The following SPAG16 variants were observed in gnomAD, a reference collection of about 807,000 sequenced individuals.
The protein encoded by SPAG16 is sperm-associated antigen 16 protein.
A neutral mutation model predicts 80.4 loss-of-function variants in SPAG16; 86 were observed. The observed-to-expected ratio is 1.07, with a 90% confidence interval of 0.90 to 1.28. The LOEUF is 1.28. Ranked by LOEUF, SPAG16 falls within the 50% of genes most tolerant of loss-of-function variation. SPAG16 has a pLI of 0.00. For missense variants in SPAG16, 870 were observed against 765.3 expected (o/e 1.14, Z -1.61); for synonymous variants, 294 against 265.9 (o/e 1.11, Z -1.03).
Position 213,642,753 on chromosome 2 carries a change from G to A in SPAG16, c.1070+152663G>A, listed in dbSNP as rs537382163. ...GGAGAATGGCGTGAACCCGGGAGGCGGAGCTTGCAGTGAGCCGAGATCCCG... is the reference window on the plus strand; with the variant it reads ...GGAGAATGGCGTGAACCCGGGAGGCAGAGCTTGCAGTGAGCCGAGATCCCG... On this transcript the variant is annotated intron_variant, in intron 10 of 15. Transcript: ENST00000331683. Among the ~76,000 whole-genome samples the A allele has an allele frequency of 2.9e-4, 13 of 44,468 alleles. 1 individual carries two copies. The highest frequency in any genetic ancestry group is 5.4e-4 in the Non-Finnish European group (13 of 24,242). The allele number at this position is 44,468 out of a possible 152,430, so 29.2% of individuals were successfully genotyped here.
rs1176652459 is a variant in SPAG16 at position 213,844,290 on chromosome 2, A to T, written c.1071-18195A>T. 2.0e-5 allele frequency among the ~76,000 whole-genome samples: 3 copies of T among 152,208 alleles called. No individual in the cohort carries two copies. The East Asian group carries it at 5.8e-4, about 29-fold the overall frequency. On this transcript the variant is annotated intron_variant, in intron 10 of 15. Coordinates refer to ENST00000331683, the MANE Select transcript of SPAG16 (RefSeq NM_024532.5). ...TTATCTCAGCCTAATTAACATTCAG[A>T]GATCAGATGGAAAAGATGGAGTCAA... is the stretch of plus-strand genomic sequence containing the variant.
intron 15 of SPAG16, among the ~76,000 whole-genome samples, chr2:214,350,648 C>T (rs1173663168): frequency 6.6e-6 from 1 of 152,106 alleles, no homozygotes; most frequent in African/African-American, 2.4e-5. Flanking sequence ...TGTATTTCCC[C>T]AGGTCTACAT....
At chr2:213,977,489 T>C (rs2106402103) in intron 12 of SPAG16, among the ~76,000 whole-genome samples, 1 of 152,128 alleles carries the variant, frequency 6.6e-6, no homozygotes, top group South Asian at 2.1e-4. Flanking sequence ...GTTGTAGACA[T>C]TCCTGTTCAT....
chr2:214,041,978 G>GTATATGTATATA lies in SPAG16; in HGVS notation c.1527+27906_1527+27907insGTATATATATAT, dbSNP rs1553702112. ...TGTATATATTTGTGTGTCTGTGTGT[G>GTATATGTATATA]TATATATATATATATATATATATAT... is the stretch of plus-strand genomic sequence containing the variant. On this transcript the variant is annotated intron_variant, in intron 13 of 15. Coordinates refer to ENST00000331683, the MANE Select transcript of SPAG16 (RefSeq NM_024532.5). 6.8e-4 allele frequency among the ~76,000 whole-genome samples: 79 copies of GTATATGTATATA among 116,358 alleles called. 1 individual carries two copies. Among genetic ancestry groups the GTATATGTATATA allele is most frequent in the African/African-American group, 2.5e-3 (77 of 30,908 alleles). 76.3% of individuals were successfully genotyped at this position (116,358 alleles called of 152,430 possible).
At chr2:213,474,255 A>C (rs1052862260) in intron 9 of SPAG16, among the ~76,000 whole-genome samples, 2 of 152,144 alleles carry the variant, frequency 1.3e-5, no homozygotes, top group African/African-American at 4.8e-5. Context: ...CTGCACATGC[A>C]CTTTTTGTTG....
intron 10 of SPAG16, among the ~76,000 whole-genome samples, chr2:213,764,986 C>T (rs773109994): frequency 1.2e-4 from 18 of 152,230 alleles, no homozygotes; most frequent in Non-Finnish European, 2.1e-4. Context: ...ATGAAATGTG[C>T]CTTTCTCATC....
intron 11 of SPAG16, among the ~76,000 whole-genome samples, chr2:213,928,904 TACACACACACACACACACAC>T (rs71063798): frequency 2.1e-5 from 3 of 142,978 alleles, no homozygotes; most frequent in South Asian, 4.5e-4. Context: ...CAGCTGATGT[TACACACACACACACACACAC>T]ACACACACAC....
intron 10 of SPAG16, among the ~76,000 whole-genome samples, chr2:213,567,232 T>TTG (rs1352715799): frequency 2.7e-5 from 3 of 109,754 alleles, no homozygotes; most frequent in African/African-American, 1.6e-4. Flanking sequence ...TTTGACATTG[T>TTG]TTTTTTTTTT....
chr2:213,400,546 G>A (rs1288442876), intron 9 of SPAG16, among the ~76,000 whole-genome samples: 1 of 152,048 alleles, frequency 6.6e-6, no homozygotes, highest in Non-Finnish European at 1.5e-5. Context: ...AAATTTCTTG[G>A]GAGTTGCTAT....
chr2:214,155,251 A>G (rs1338193789), intron 15 of SPAG16, among the ~76,000 whole-genome samples: 1 of 152,144 alleles, frequency 6.6e-6, no homozygotes, highest in Non-Finnish European at 1.5e-5. Flanking sequence ...TAGAAGGAAA[A>G]TCCCAGGAGC....
intron 8 of SPAG16, among the ~76,000 whole-genome samples, chr2:213,366,068 G>A (rs1161176044): frequency 1.3e-5 from 2 of 148,496 alleles, no homozygotes; most frequent in Non-Finnish European, 3.0e-5. Context: ...TGTGAACCCG[G>A]GAGGCGGAGC....
chr2:214,131,314 G>A (rs752533618), intron 14 of SPAG16, among the ~76,000 whole-genome samples: 72 of 151,356 alleles, frequency 4.8e-4, no homozygotes, highest in Non-Finnish European at 9.6e-4. Context: ...AGATTACAGT[G>A]AGCTGTGATC....
chr2:214,330,836 T>C (rs1227294023), intron 15 of SPAG16, among the ~76,000 whole-genome samples: 1 of 152,114 alleles, frequency 6.6e-6, no homozygotes, highest in Non-Finnish European at 1.5e-5. Flanking sequence ...TCAAGTGGGG[T>C]ATCACAGCAT....
intron 10 of SPAG16, among the ~76,000 whole-genome samples, chr2:213,496,323 G>A (rs560812034): frequency 2.6e-5 from 4 of 152,282 alleles, no homozygotes; most frequent in South Asian, 2.1e-4. Context: ...TTTGGCCTGA[G>A]AACAGGAAGA....
At chr2:214,002,425 G>A (rs1361334116) in intron 12 of SPAG16, among the ~76,000 whole-genome samples, 2 of 152,102 alleles carry the variant, frequency 1.3e-5, no homozygotes, top group Non-Finnish European at 2.9e-5. Flanking sequence ...GGAATTATTC[G>A]AGAAATATTT....
intron 11 of SPAG16, among the ~76,000 whole-genome samples, chr2:213,907,811 G>A (rs1371861572): frequency 6.6e-6 from 1 of 152,082 alleles, no homozygotes; most frequent in Non-Finnish European, 1.5e-5. Context: ...TCATGTGGGA[G>A]CTAAAAAAAC....
At chr2:213,380,832 C>G (rs918826305) in intron 9 of SPAG16, among the ~76,000 whole-genome samples, 1 of 152,136 alleles carries the variant, frequency 6.6e-6, no homozygotes, top group African/African-American at 2.4e-5. Flanking sequence ...GCAGCCTGGA[C>G]CTGTTTCAGA....
intron 1 of SPAG16, among the ~76,000 whole-genome samples, chr2:213,285,719 A>G (rs1279360488): frequency 6.6e-6 from 1 of 152,218 alleles, no homozygotes; most frequent in Non-Finnish European, 1.5e-5. Flanking sequence ...GGGTGCAAAA[A>G]CGACTTTTAC....
chr2:213,800,747 CT>C (rs1357593669), intron 10 of SPAG16, among the ~76,000 whole-genome samples: 2 of 152,166 alleles, frequency 1.3e-5, no homozygotes, highest in Non-Finnish European at 2.9e-5. Context: ...ATTTCTAAAT[CT>C]CATACCAAAT....
Sources: allele counts gnomAD v4.1 joint callset (sites outside exome capture counted in the v4.1 genomes callset), GRCh38; gene constraint gnomAD v4.1.1; transcripts MANE v1.5; gene names NCBI Gene and HGNC (gene_info 2026-07-23, HGNC 2026-07-21).